NOS1AP: variants seen among roughly 807,000 people sequenced by gnomAD.
The protein encoded by NOS1AP is carboxyl-terminal PDZ ligand of neuronal nitric oxide synthase protein.
A neutral mutation model predicts 56.2 loss-of-function variants in NOS1AP; 21 were observed. That is an observed-to-expected ratio of 0.37 (90% CI 0.26 to 0.54). The LOEUF is 0.54. Among genes scored for constraint, NOS1AP ranks in the 20% least tolerant of loss-of-function variants. The probability of loss-of-function intolerance (pLI) is 0.84; values close to 1 mark genes in which losing one functional copy is unlikely to be tolerated. For synonymous variants in NOS1AP, 270 were observed against 274.6 expected (o/e 0.98, Z 0.17); for missense variants, 522 against 657.8 (o/e 0.79, Z 2.26).
In NOS1AP at chr1:162,071,975, G is replaced by A. The variant is rs1019833497; in HGVS notation, c.105+1693G>A. ...TTTGGGAGGCCAAAGTGGGAGGATC[G>A]CCTGAGCCCAGGAGTTAGAGACTGC... On this transcript the variant is annotated intron_variant, in intron 1 of 9. Coordinates refer to ENST00000361897, the MANE Select transcript of NOS1AP (RefSeq NM_014697.3). Among the ~76,000 whole-genome samples the A allele has an allele frequency of 7.2e-5, 11 of 152,110 alleles. No homozygotes were observed. In the East Asian group the frequency reaches 1.9e-3, roughly 27 times the overall value.
chr1:162,323,906 G>A (rs772228091), intron 4 of NOS1AP, among the ~76,000 whole-genome samples: 8 of 152,142 alleles, frequency 5.3e-5, no homozygotes, highest in East Asian at 3.8e-4. Context: ...GGAAGGGTGC[G>A]AACCTTTGTT....
At chr1:162,082,192 GT>G (rs35756945) in intron 1 of NOS1AP, among the ~76,000 whole-genome samples, 145,035 of 150,912 alleles carry the variant, frequency 0.96, 69,925 homozygotes, top group East Asian at 1. Context: ...TGCAGTATTT[GT>G]TTTTTTTTTG....
Position 162,177,366 on chromosome 1 carries a change from C to T in NOS1AP, c.177+22890C>T, listed in dbSNP as rs368662407. Among the ~76,000 whole-genome samples, 18 of 152,274 alleles carry T rather than the reference C, an allele frequency of 1.2e-4. No individual in the cohort carries two copies. In the East Asian group the frequency reaches 3.1e-3, roughly 26 times the overall value. On this transcript the variant is annotated intron_variant, in intron 2 of 9. Transcript: ENST00000361897. The stretch of plus-strand genomic sequence containing the variant: ...GTGTTTGTTACACAGAGTGATTCGT[C>T]CTGTGTGACTCAGGAGAGAGGCCGG...
At chr1:162,350,510 C>T (rs76459947) in intron 6 of NOS1AP, among the ~76,000 whole-genome samples, 1,894 of 152,374 alleles carry the variant, frequency 0.012, 29 homozygotes, top group South Asian at 0.046. Flanking sequence ...CCCTATACTG[C>T]TTCTCTGACT....
chr1:162,207,231 G>A (rs1288151843), intron 2 of NOS1AP, among the ~76,000 whole-genome samples: 1 of 152,222 alleles, frequency 6.6e-6, no homozygotes, highest in Non-Finnish European at 1.5e-5. Context: ...GCTGGCTTCT[G>A]GCCAGCAGAA....
At chr1:162,235,702 C>A (rs962271286) in intron 2 of NOS1AP, among the ~76,000 whole-genome samples, 14 of 152,160 alleles carry the variant, frequency 9.2e-5, no homozygotes, top group Non-Finnish European at 1.6e-4. Context: ...CACTAGAGGC[C>A]AAGGGGCAGT....
At chr1:162,168,426 G>A (rs915506983) in intron 2 of NOS1AP, among the ~76,000 whole-genome samples, 5 of 152,174 alleles carry the variant, frequency 3.3e-5, no homozygotes, top group Admixed American at 2.0e-4. Flanking sequence ...ACTTCCAAAC[G>A]AACCTGTTTC....
At chr1:162,138,264 A>T (rs11811057) in intron 1 of NOS1AP, among the ~76,000 whole-genome samples, 4,769 of 152,204 alleles carry the variant, frequency 0.031, 129 homozygotes, top group South Asian at 0.07. Flanking sequence ...GACTGCAGTT[A>T]GTCTAAGTTT....
chr1:162,092,592 G>A (rs12068058), intron 1 of NOS1AP, among the ~76,000 whole-genome samples: 17,388 of 151,998 alleles, frequency 0.11, 2,201 homozygotes, highest in African/African-American at 0.31. Context: ...TTGTTTCTTT[G>A]GGCAAGAAGA....
chr1:162,302,793 C>T (rs1385133786), intron 4 of NOS1AP, among the ~76,000 whole-genome samples: 1 of 152,164 alleles, frequency 6.6e-6, no homozygotes, highest in Non-Finnish European at 1.5e-5. Context: ...ACCCTTCTCT[C>T]CTCATTTCTC....
intron 2 of NOS1AP, among the ~76,000 whole-genome samples, chr1:162,233,347 C>T (rs1422430330): frequency 1.3e-5 from 2 of 152,176 alleles, no homozygotes; most frequent in South Asian, 2.1e-4. Context: ...AGTTGTACTG[C>T]TGTGGCTCTG....
chr1:162,312,974 C>T lies in NOS1AP; in HGVS notation c.344+12268C>T, dbSNP rs1192599168. ...CTCAACAAATTAGGTATTGATGGGA[C>T]GTATTTCAAAATAATGAGAGCTATC... On this transcript the variant is annotated intron_variant, in intron 4 of 9. Transcript: ENST00000361897. Among the ~76,000 whole-genome samples, 8 of 151,844 alleles carry T rather than the reference C, an allele frequency of 5.3e-5. No homozygotes were observed. In the South Asian group the frequency reaches 6.3e-4, roughly 12 times the overall value.
chr1:162,131,037 C>A (rs1648724263), intron 1 of NOS1AP, among the ~76,000 whole-genome samples: 1 of 152,132 alleles, frequency 6.6e-6, no homozygotes, highest in Admixed American at 6.5e-5. Flanking sequence ...TATTTTCTTA[C>A]CATTTTCTGC....
intron 8 of NOS1AP, among the ~76,000 whole-genome samples, chr1:162,361,340 G>A (rs1226100577): frequency 2.0e-5 from 3 of 152,192 alleles, no homozygotes; most frequent in Admixed American, 6.5e-5. Flanking sequence ...TATGAATGGG[G>A]AAACAAAGCA....
In NOS1AP at chr1:162,255,490, A is replaced by ATTTTTTTTTTTT. The variant is rs35637289; in HGVS notation, c.178-31830_178-31819dup. ...ATGCATAGGTTATTTGCTGCTGCTG[A>ATTTTTTTTTTTT]TTTTTTTTTTTTTTTTTTTTTTTTT... On this transcript the variant is annotated intron_variant, in intron 2 of 9. Coordinates refer to ENST00000361897, the MANE Select transcript of NOS1AP (RefSeq NM_014697.3). Among the ~76,000 whole-genome samples the ATTTTTTTTTTTT allele has an allele frequency of 1.9e-3, 116 of 60,984 alleles. 11 individuals are homozygous for ATTTTTTTTTTTT. Among genetic ancestry groups the ATTTTTTTTTTTT allele is most frequent in the Middle Eastern group, 0.015 (1 of 68 alleles). The allele number at this position is 60,984 out of a possible 152,430, so 40.0% of individuals were successfully genotyped here.
chr1:162,357,309 G>T, intron 8 of NOS1AP, 173 bp downstream of exon 8: 2 of 1,217,676 alleles, frequency 1.6e-6, no homozygotes, highest in African/African-American at 1.5e-5. Flanking sequence ...GATAGATGGG[G>T]GATGCAGTTG....
At chr1:162,078,209 A>C (rs940462745) in intron 1 of NOS1AP, among the ~76,000 whole-genome samples, 9 of 151,532 alleles carry the variant, frequency 5.9e-5, no homozygotes, top group African/African-American at 1.9e-4. Context: ...TTCAGTCCAG[A>C]CTCCACATCT....
At chr1:162,160,664 G>GT (rs1557810956) in intron 2 of NOS1AP, among the ~76,000 whole-genome samples, 1 of 151,960 alleles carries the variant, frequency 6.6e-6, no homozygotes, top group Non-Finnish European at 1.5e-5. Context: ...TCCCTAAGTG[G>GT]CCCCCCTCAG....
intron 8 of NOS1AP, among the ~76,000 whole-genome samples, chr1:162,362,444 C>CAA (rs11314295): frequency 1.5e-5 from 2 of 134,350 alleles, no homozygotes; most frequent in African/African-American, 2.7e-5. Flanking sequence ...GAGTGAGTCT[C>CAA]AAAAAAAAAA....
Sources: gnomAD v4.1 joint callset for allele counts (sites outside exome capture counted in the v4.1 genomes callset) on GRCh38, gnomAD v4.1.1 for gene constraint, MANE v1.5 for transcripts, NCBI Gene and HGNC (gene_info 2026-07-23, HGNC 2026-07-21) for gene names.